Variants in CCSER1 observed in about 807,000 individuals in gnomAD.
The protein encoded by CCSER1 is coiled-coil serine rich protein 1.
Under a neutral mutation model 82.0 loss-of-function variants are expected in CCSER1, and 41 were observed. That is an observed-to-expected ratio of 0.50 (90% CI 0.39 to 0.65). The LOEUF (loss-of-function observed/expected upper bound fraction) is 0.65, where lower values mean the gene tolerates loss of function less well. Ranked by LOEUF, CCSER1 falls within the 30% of genes least tolerant of loss-of-function variation. The pLI, the probability that CCSER1 is intolerant of heterozygous loss-of-function variation, is 0.00. For missense variants in CCSER1, 1,119 were observed against 1,064.2 expected, an observed-to-expected ratio of 1.05 and a Z score of -0.72; for synonymous variants, 414 against 383.9, an observed-to-expected ratio of 1.08 and a Z score of -0.92.
intron 3 of CCSER1, among the ~76,000 whole-genome samples, chr4:90,320,465 A>G (rs1021060386): frequency 3.3e-5 from 5 of 152,142 alleles, no homozygotes; most frequent in Non-Finnish European, 5.9e-5. Flanking sequence ...TGGAAGCACA[A>G]TTTATTTTAG....
chr4:90,368,576 G>A (rs1746722697), intron 3 of CCSER1, among the ~76,000 whole-genome samples: 1 of 151,854 alleles, frequency 6.6e-6, no homozygotes, highest in East Asian at 1.9e-4. Flanking sequence ...AGGCTGAAGT[G>A]AGCCATGATG....
At chr4:91,386,094 C>T (rs2149344298) in intron 10 of CCSER1, among the ~76,000 whole-genome samples, 1 of 151,486 alleles carries the variant, frequency 6.6e-6, no homozygotes, top group East Asian at 1.9e-4. Flanking sequence ...ACTTTTAGTG[C>T]CCTGAATCCT....
intron 3 of CCSER1, among the ~76,000 whole-genome samples, chr4:90,363,444 C>G (rs1349169663): frequency 6.6e-6 from 1 of 152,060 alleles, no homozygotes; most frequent in African/African-American, 2.4e-5. Context: ...ATCACTGTGG[C>G]ACCTAAAGTA....
At chr4:91,518,086 G>C (rs901573973) in intron 10 of CCSER1, among the ~76,000 whole-genome samples, 6 of 152,130 alleles carry the variant, frequency 3.9e-5, no homozygotes, top group Non-Finnish European at 4.4e-5. Flanking sequence ...TTTCTCTTGA[G>C]TGCTGGCTGC....
At chr4:90,540,763 C>T (rs1776002029) in intron 5 of CCSER1, among the ~76,000 whole-genome samples, 1 of 152,028 alleles carries the variant, frequency 6.6e-6, no homozygotes, top group African/African-American at 2.4e-5. Context: ...CTTCCCAGCT[C>T]TTGAGTCTTA....
intron 10 of CCSER1, among the ~76,000 whole-genome samples, chr4:91,404,422 T>C (rs538012485): frequency 4.1e-4 from 63 of 152,284 alleles, no homozygotes; most frequent in African/African-American, 1.4e-3. Context: ...CTTAGTTATT[T>C]CTTGCCTTCT....
chr4:90,488,088 G>A (rs561570005), intron 5 of CCSER1, among the ~76,000 whole-genome samples: 2 of 152,210 alleles, frequency 1.3e-5, no homozygotes, highest in Non-Finnish European at 2.9e-5. Flanking sequence ...GAGATAGCAT[G>A]TTCCCTGTTC....
At chr4:90,129,153 T>G (rs1025474109) in intron 1 of CCSER1, among the ~76,000 whole-genome samples, 4 of 152,204 alleles carry the variant, frequency 2.6e-5, no homozygotes, top group Admixed American at 2.6e-4. Flanking sequence ...TCTCTGCCCC[T>G]CAAGGACTAT....
At chr4:90,633,199 G>T (rs1724766060) in intron 6 of CCSER1, among the ~76,000 whole-genome samples, 1 of 151,984 alleles carries the variant, frequency 6.6e-6, no homozygotes, top group South Asian at 2.1e-4. Flanking sequence ...GAAAGGAAAT[G>T]GATTTCATTC....
At chr4:91,262,935 AT>A (rs1741306728) in intron 10 of CCSER1, among the ~76,000 whole-genome samples, 1 of 151,898 alleles carries the variant, frequency 6.6e-6, no homozygotes, top group Non-Finnish European at 1.5e-5. Context: ...TTACCTTTAG[AT>A]TCCCTTGCTC....
chr4:91,450,663 G>A (rs371028788), intron 10 of CCSER1, among the ~76,000 whole-genome samples: 3 of 151,988 alleles, frequency 2.0e-5, no homozygotes, highest in African/African-American at 7.2e-5. Flanking sequence ...TATTTGGGGA[G>A]TTAGTTAAGG....
chr4:90,331,262 A>T (rs1739227429), intron 3 of CCSER1, among the ~76,000 whole-genome samples: 1 of 152,090 alleles, frequency 6.6e-6, no homozygotes, highest in Admixed American at 6.5e-5. Context: ...AGGATAAAAC[A>T]GCAACCCAAA....
intron 1 of CCSER1, among the ~76,000 whole-genome samples, chr4:90,285,516 T>A (rs1331240508): frequency 6.6e-6 from 1 of 152,058 alleles, no homozygotes; most frequent in African/African-American, 2.4e-5. Context: ...ACTGAATTTG[T>A]CTGTGAGTTA....
chr4:90,454,228 GTTTT>G (rs576058533), intron 4 of CCSER1, among the ~76,000 whole-genome samples: 1 of 128,846 alleles, frequency 7.8e-6, no homozygotes. Flanking sequence ...TTTGTTTCAT[GTTTT>G]TTTTTTTTTT....
intron 9 of CCSER1, among the ~76,000 whole-genome samples, chr4:91,081,134 A>G (rs1561531326): frequency 6.6e-6 from 1 of 152,230 alleles, no homozygotes; most frequent in Non-Finnish European, 1.5e-5. Context: ...AATATCCCTC[A>G]TGAACATCGA....
chr4:90,731,075 A>G (rs896981568), intron 7 of CCSER1, among the ~76,000 whole-genome samples: 2 of 152,154 alleles, frequency 1.3e-5, no homozygotes, highest in African/African-American at 4.8e-5. Context: ...AAAGATTATG[A>G]TGGCTTAAAC....
At chr4:90,587,077 C>T (rs1380631566) in intron 5 of CCSER1, among the ~76,000 whole-genome samples, 1 of 152,094 alleles carries the variant, frequency 6.6e-6, no homozygotes, top group East Asian at 1.9e-4. Context: ...ACTCAATCAC[C>T]ATTATACTGG....
chr4:90,158,139 C>T (rs1017711980), intron 1 of CCSER1, among the ~76,000 whole-genome samples: 2 of 151,968 alleles, frequency 1.3e-5, no homozygotes, highest in African/African-American at 4.8e-5. Context: ...TAGAGGTCCA[C>T]TCCAGACCCT....
Position 90,468,218 on chromosome 4 carries a change from C to A in CCSER1, c.1604-16C>A. 6.3e-7 allele frequency: 1 copy of A among 1,577,178 alleles called. No homozygotes were observed. Among genetic ancestry groups the A allele is most frequent in the Non-Finnish European group, 8.6e-7 (1 of 1,161,242 alleles). ...AATAATTTTGACATTTACAATTCCT[C>A]GGTTTTTTTGAACAGTTTGCCGGGA... On this transcript the variant is annotated splice_polypyrimidine_tract_variant and intron_variant, in intron 4 of 10. Transcript: ENST00000509176.
Sources: allele counts gnomAD v4.1 joint callset (sites outside exome capture counted in the v4.1 genomes callset), GRCh38; gene constraint gnomAD v4.1.1; transcripts MANE v1.5; gene names NCBI Gene and HGNC (gene_info 2026-07-23, HGNC 2026-07-21).